BCAS1: variants seen among roughly 807,000 people sequenced by gnomAD.
BCAS1 encodes the protein breast carcinoma-amplified sequence 1.
In BCAS1, 46 loss-of-function variants were observed where a neutral mutation model predicts 65.4. The ratio of observed to expected loss-of-function variants is 0.70; its 90% CI spans 0.55 to 0.90. The LOEUF is 0.90. BCAS1 is among the 40% of genes least tolerant of loss of function. The pLI, the probability that BCAS1 is intolerant of heterozygous loss-of-function variation, is 0.00. For synonymous variants in BCAS1, 298 were observed against 293.5 expected (o/e 1.02, Z -0.16); for missense variants, 793 against 771.2 (o/e 1.03, Z -0.33).
At chr20:54,005,449 T>C (rs2091164966) in intron 4 of BCAS1, among the ~76,000 whole-genome samples, 1 of 152,178 alleles carries the variant, frequency 6.6e-6, no homozygotes, top group South Asian at 2.1e-4. Flanking sequence ...GATTGTGCCA[T>C]TGCACTCCAG....
At chr20:53,990,403 C>A (rs2090725777) in intron 7 of BCAS1, among the ~76,000 whole-genome samples, 1 of 152,186 alleles carries the variant, frequency 6.6e-6, no homozygotes, top group Admixed American at 6.5e-5. Flanking sequence ...ATGTATTTCA[C>A]TTACTGATTT....
At chr20:54,038,640 T>C (rs1234194164) in intron 3 of BCAS1, among the ~76,000 whole-genome samples, 1 of 151,366 alleles carries the variant, frequency 6.6e-6, no homozygotes, top group Admixed American at 6.6e-5. Flanking sequence ...CAATACATTA[T>C]CCAAATCCTC....
At chr20:54,066,991 A>C (rs74986715) in intron 1 of BCAS1, among the ~76,000 whole-genome samples, 1 of 152,266 alleles carries the variant, frequency 6.6e-6, no homozygotes, top group African/African-American at 2.4e-5. Context: ...ATGTAATATA[A>C]TAGAACATGG....
chr20:54,065,714 A>G (rs1274635983), intron 1 of BCAS1, among the ~76,000 whole-genome samples: 1 of 152,144 alleles, frequency 6.6e-6, no homozygotes, highest in Non-Finnish European at 1.5e-5. Context: ...GTGGTGGTGA[A>G]ATAGCGCAAG....
intron 4 of BCAS1, among the ~76,000 whole-genome samples, chr20:54,005,030 T>C (rs901000387): frequency 6.6e-6 from 1 of 152,324 alleles, no homozygotes. Context: ...TATTATTGTG[T>C]TTAATTTAAT....
chr20:54,051,044 GA>G (rs2092203264), intron 3 of BCAS1, among the ~76,000 whole-genome samples: 1 of 152,152 alleles, frequency 6.6e-6, no homozygotes, highest in African/African-American at 2.4e-5. Context: ...GCTTTTGAGT[GA>G]AAAAGGTAAG....
intron 4 of BCAS1, among the ~76,000 whole-genome samples, chr20:54,027,976 G>A (rs533089815): frequency 9.5e-4 from 144 of 152,296 alleles, no homozygotes; most frequent in Non-Finnish European, 1.7e-3. Context: ...AGTAAGGGAC[G>A]AAATGTGTTC....
At chr20:54,055,631 T>A (rs1185054149) in intron 3 of BCAS1, among the ~76,000 whole-genome samples, 1 of 152,116 alleles carries the variant, frequency 6.6e-6, no homozygotes, top group Non-Finnish European at 1.5e-5. Context: ...AACTACCATA[T>A]GATTCAGCAA....
chr20:54,058,807 C>G, intron 1 of BCAS1, 84 bp from the exon 2 acceptor site: 8 of 1,497,382 alleles, frequency 5.3e-6, no homozygotes, highest in East Asian at 2.3e-5. Context: ...AGAGGCCTGA[C>G]AAGCCGCCCA....
intron 2 of BCAS1, 92 bp from the exon 3 acceptor site, chr20:54,058,246 C>T (rs1440184058): frequency 1.7e-5 from 20 of 1,171,824 alleles, no homozygotes; most frequent in African/African-American, 3.1e-5. Context: ...GGGTGTCTCA[C>T]AAAAAATTAA....
chr20:54,012,785 A>G (rs1010333810), intron 4 of BCAS1, among the ~76,000 whole-genome samples: 3 of 152,228 alleles, frequency 2.0e-5, no homozygotes, highest in Admixed American at 6.5e-5. Flanking sequence ...TTGTAATTCC[A>G]ATTATACAGA....
intron 5 of BCAS1, 39 bp downstream of exon 5, chr20:53,995,853 G>C: frequency 6.5e-7 from 1 of 1,541,918 alleles, no homozygotes; most frequent in Non-Finnish European, 8.8e-7. Flanking sequence ...AAACTTTTGA[G>C]CAATAGAGTG....
intron 4 of BCAS1, among the ~76,000 whole-genome samples, chr20:54,002,924 T>C (rs1276916786): frequency 2.0e-5 from 3 of 152,180 alleles, no homozygotes; most frequent in Non-Finnish European, 4.4e-5. Context: ...CAGTATCACC[T>C]GCTCAACTGG....
intron 3 of BCAS1, among the ~76,000 whole-genome samples, chr20:54,040,309 A>C (rs1444270622): frequency 6.6e-6 from 1 of 151,342 alleles, no homozygotes; most frequent in Non-Finnish European, 1.5e-5. Flanking sequence ...TGTCTCAAGC[A>C]CCTTTTAAGT....
intron 11 of BCAS1, among the ~76,000 whole-genome samples, chr20:53,955,034 G>A (rs905997782): frequency 2.0e-5 from 3 of 152,152 alleles, no homozygotes; most frequent in South Asian, 2.1e-4. Context: ...TTGACCCACC[G>A]GATACATGTG....
intron 3 of BCAS1, among the ~76,000 whole-genome samples, chr20:54,047,704 G>A (rs575568093): frequency 7.2e-6 from 1 of 139,470 alleles, no homozygotes; most frequent in Non-Finnish European, 1.6e-5. Context: ...CCAGGTTCTT[G>A]GTGTTTTGAA....
At position 54,037,642 on chromosome 20, in the gene BCAS1, A is replaced by G. The variant is rs565993881; in HGVS notation, c.143-8670T>C. On this transcript the variant is annotated intron_variant, in intron 3 of 12. Transcript: ENST00000688948. Reference sequence around the variant, plus strand: ...TTTATTTAAGTATAACAGCAAATCTACAAGTTAGGTACTATCATCACTCCC... The same window carrying G: ...TTTATTTAAGTATAACAGCAAATCTGCAAGTTAGGTACTATCATCACTCCC... 4.1e-4 allele frequency among the ~76,000 whole-genome samples: 62 copies of G among 151,628 alleles called. 1 individual carries two copies. Among genetic ancestry groups the G allele is most frequent in the African/African-American group, 1.5e-3 (62 of 41,514 alleles).
intron 1 of BCAS1, among the ~76,000 whole-genome samples, chr20:54,068,738 G>A (rs568063317): frequency 4.3e-4 from 65 of 152,262 alleles, no homozygotes; most frequent in African/African-American, 1.4e-3. Flanking sequence ...CTGGGTCCAC[G>A]TGACTCAGGC....
chr20:53,988,184 A>G, intron 7 of BCAS1, among the ~76,000 whole-genome samples: 1 of 152,192 alleles, frequency 6.6e-6, no homozygotes, highest in East Asian at 1.9e-4. Flanking sequence ...TTCTGGCTCA[A>G]GGGTTCCCTT....
Sources: allele counts gnomAD v4.1 joint callset (sites outside exome capture counted in the v4.1 genomes callset), GRCh38; gene constraint gnomAD v4.1.1; transcripts MANE v1.5; gene names NCBI Gene and HGNC (gene_info 2026-07-23, HGNC 2026-07-21).